The following ZEB1 variants were observed in gnomAD, a reference collection of about 807,000 sequenced individuals.
The protein encoded by ZEB1 is zinc finger E-box-binding homeobox 1.
Under a neutral mutation model 84.9 loss-of-function variants are expected in ZEB1, and 21 were observed. The observed-to-expected ratio is 0.25, with a 90% CI of 0.18 to 0.36. ZEB1 has a LOEUF of 0.36. Ranked by LOEUF, ZEB1 falls within the 10% of genes least tolerant of loss-of-function variation. The pLI, the probability that ZEB1 is intolerant of heterozygous loss-of-function variation, is 1.00. For synonymous variants in ZEB1, 420 were observed against 471.1 expected (o/e 0.89, Z 1.41); for missense variants, 1,104 against 1,330.2 (o/e 0.83, Z 2.65).
At chr10:31,518,270 T>G (rs2071562931) in intron 6 of ZEB1, among the ~76,000 whole-genome samples, 1 of 152,130 alleles carries the variant, frequency 6.6e-6, no homozygotes, top group African/African-American at 2.4e-5. Flanking sequence ...AGAGGTGGGT[T>G]AACAAGCAGG....
chr10:31,473,680 GA>G (rs1381192517), intron 2 of ZEB1, among the ~76,000 whole-genome samples: 2 of 149,076 alleles, frequency 1.3e-5, no homozygotes, highest in African/African-American at 2.5e-5. Context: ...AGCTACCAAT[GA>G]CTTTCTTCAC....
chr10:31,467,843 C>A (rs1212219220), intron 2 of ZEB1, among the ~76,000 whole-genome samples: 3 of 152,090 alleles, frequency 2.0e-5, no homozygotes, highest in Non-Finnish European at 4.4e-5. Flanking sequence ...AGCCTCATAG[C>A]CTTGCTTTCT....
Position 31,521,888 on chromosome 10 carries a change from T to C in ZEB1, c.2556T>C (p.Pro852=). The change falls in exon 7 of 9, where the codon CCT becomes CCC. Residue 852 remains proline, a synonymous_variant. Transcript: ENST00000424869. ...ACACCTACTCAACTACGGTCAGCCC[T>C]GCAGTCCAAGAACCACCCTTGAAAG... is the stretch of plus-strand genomic sequence containing the variant. ...VAYTYSTTVS[P]AVQEPPLKVI... is the part of the protein sequence containing the mutation. 1 of 1,614,060 alleles carries C rather than the reference T, an allele frequency of 6.2e-7. No individual in the cohort carries two copies. Among genetic ancestry groups the C allele is most frequent in the Non-Finnish European group, 8.5e-7 (1 of 1,179,980 alleles).
intron 1 of ZEB1, chr10:31,319,873 C>T (rs923523311): frequency 2.1e-5 from 3 of 146,246 alleles, no homozygotes; most frequent in Non-Finnish European, 3.0e-5. Flanking sequence ...TCGGGCCGGG[C>T]TGTGGGCGCG....
chr10:31,522,063 G>A (rs1003681413), intron 7 of ZEB1, 127 bp downstream of exon 7: 1 of 1,409,016 alleles, frequency 7.1e-7, no homozygotes. Flanking sequence ...ATTTTTAAAA[G>A]GATCAATGTT....
intron 1 of ZEB1, among the ~76,000 whole-genome samples, chr10:31,456,452 A>C (rs161273): frequency 0.25 from 37,953 of 152,074 alleles, 10,499 homozygotes; most frequent in African/African-American, 0.69. Flanking sequence ...ACACTGTTCA[A>C]ATATTATGAG....
intron 2 of ZEB1, among the ~76,000 whole-genome samples, chr10:31,469,744 T>G (rs1236646159): frequency 6.6e-6 from 1 of 152,216 alleles, no homozygotes; most frequent in Non-Finnish European, 1.5e-5. Context: ...CTCTGTAGGC[T>G]CCACCTCTGG....
chr10:31,395,261 G>A (rs1005573622), intron 1 of ZEB1, among the ~76,000 whole-genome samples: 1 of 152,024 alleles, frequency 6.6e-6, no homozygotes, highest in African/African-American at 2.4e-5. Flanking sequence ...TGAATCTCAC[G>A]AGATACTCTT....
rs112062366 is a variant in ZEB1, at chr10:31,504,296, G to T, written c.484+1787G>T. On this transcript the variant is annotated intron_variant, in intron 4 of 8. Transcript: ENST00000424869. ...ATGTGGATTTTATTCTGGGTTCTCT[G>T]TTCTCTTCCACTGGTCTGTGTGTCT... 2.6e-3 allele frequency among the ~76,000 whole-genome samples: 284 copies of T among 107,906 alleles called. 6 individuals carry two copies. Among genetic ancestry groups the T allele is most frequent in the African/African-American group, 7.0e-3 (274 of 39,114 alleles). The allele number at this position is 107,906 out of a possible 152,430, so 70.8% of individuals were successfully genotyped here. A position where few individuals can be genotyped will look rare whatever the true frequency, so the allele number is the denominator to read the frequency against.
chr10:31,378,162 T>C (rs1170315845), intron 1 of ZEB1, among the ~76,000 whole-genome samples: 2 of 151,518 alleles, frequency 1.3e-5, no homozygotes, highest in African/African-American at 4.8e-5. Flanking sequence ...TCTCACTGAA[T>C]CACTACTCCT....
chr10:31,421,829 GATTT>G (rs1418812484), intron 1 of ZEB1, among the ~76,000 whole-genome samples: 1 of 152,046 alleles, frequency 6.6e-6, no homozygotes, highest in Non-Finnish European at 1.5e-5. Flanking sequence ...GATAGAAACT[GATTT>G]ATTAATTTTC....
intron 1 of ZEB1, among the ~76,000 whole-genome samples, chr10:31,403,295 A>C (rs1304538672): frequency 6.6e-6 from 1 of 152,090 alleles, no homozygotes; most frequent in East Asian, 1.9e-4. Context: ...CTTAATAAAG[A>C]GTAACCTTTA....
At chr10:31,415,247 T>C (rs913949420) in intron 1 of ZEB1, among the ~76,000 whole-genome samples, 1 of 152,136 alleles carries the variant, frequency 6.6e-6, no homozygotes, top group Non-Finnish European at 1.5e-5. Context: ...GGTACAGTGC[T>C]AGTAAAATAT....
At chr10:31,489,416 G>T (rs375912786) in intron 2 of ZEB1, among the ~76,000 whole-genome samples, 1 of 150,642 alleles carries the variant, frequency 6.6e-6, no homozygotes, top group African/African-American at 2.4e-5. Context: ...TATTATTTTT[G>T]GTCTATTCTG....
Position 31,520,266 on chromosome 10 carries a change from T to C in ZEB1, c.934T>C (p.Cys312Arg). 1 of 1,613,960 alleles carries C rather than the reference T, an allele frequency of 6.2e-7. No homozygotes were observed. Among genetic ancestry groups the C allele is most frequent in the East Asian group, 2.2e-5 (1 of 44,868 alleles). Residue 312 changes from cysteine to arginine, a missense_variant, in exon 7 of 9, where the codon TGT becomes CGT. By Grantham distance (180) the Cys-to-Arg change is radical. Around this residue, in one of 7 missense-constraint regions of ZEB1, gnomAD observed 111 missense variants for 161.8 expected, o/e 0.69. Coordinates refer to ENST00000424869, the MANE Select transcript of ZEB1 (RefSeq NM_001174096.2). The surrounding 1 kb of genome is among the most constrained non-coding windows in gnomAD (Gnocchi z 5.1). ...RPRTGLKTSQCSSPSLSASPG... is the reference protein window; with the variant it reads ...RPRTGLKTSQRSSPSLSASPG... ...AAGAACAGGACTCAAGACATCTCAG[T>C]GTTCTTCACCGTCTCTTTCAGCATC...
intron 1 of ZEB1, among the ~76,000 whole-genome samples, chr10:31,423,841 G>C (rs2056557260): frequency 6.6e-6 from 1 of 150,538 alleles, no homozygotes; most frequent in African/African-American, 2.4e-5. Flanking sequence ...TCTTAAAAGA[G>C]AAATTTTAGG....
At chr10:31,329,977 T>C (rs1318368365) in intron 1 of ZEB1, among the ~76,000 whole-genome samples, 1 of 152,174 alleles carries the variant, frequency 6.6e-6, no homozygotes, top group East Asian at 1.9e-4. Context: ...ATTAAAGATA[T>C]TTCTCTCTTT....
intron 2 of ZEB1, among the ~76,000 whole-genome samples, chr10:31,471,991 T>C (rs529281688): frequency 3.8e-4 from 53 of 141,038 alleles, no homozygotes; most frequent in African/African-American, 1.5e-3. Flanking sequence ...AAGGCAGAAA[T>C]AAAGATGTTC....
intron 1 of ZEB1, among the ~76,000 whole-genome samples, chr10:31,378,634 C>CT (rs895722749): frequency 6.6e-6 from 1 of 151,608 alleles, no homozygotes; most frequent in Non-Finnish European, 1.5e-5. Flanking sequence ...TAAAGAAAAA[C>CT]TTTTTTTTCT....
Sources: gnomAD v4.1 joint callset for allele counts (sites outside exome capture counted in the v4.1 genomes callset) on GRCh38, gnomAD v4.1.1 for gene constraint, gnomAD v4.1.1 regional missense constraint, Gnocchi (gnomAD v3.1) non-coding constraint, MANE v1.5 for transcripts, NCBI Gene and HGNC (gene_info 2026-07-23, HGNC 2026-07-21) for gene names.